Variants in NRG3 observed in about 807,000 individuals in gnomAD.
The protein encoded by NRG3 is pro-neuregulin-3, membrane-bound isoform.
Under a neutral mutation model 66.9 loss-of-function variants are expected in NRG3, and 31 were observed. The ratio of observed to expected loss-of-function variants is 0.46; its 90% confidence interval spans 0.35 to 0.63. The LOEUF is 0.63. NRG3 is among the 20% of genes least tolerant of loss of function. The pLI is 0.00. For missense variants in NRG3, 910 were observed against 878.9 expected (o/e 1.04, Z -0.45); for synonymous variants, 393 against 359.4 (o/e 1.09, Z -1.06).
At chr10:82,279,360 A>C (rs539319343) in intron 1 of NRG3, among the ~76,000 whole-genome samples, 1 of 152,294 alleles carries the variant, frequency 6.6e-6, no homozygotes. Context: ...ACTTGTTTGC[A>C]ATCCTTTTTT....
At chr10:82,039,757 C>A (rs983289674) in intron 1 of NRG3, among the ~76,000 whole-genome samples, 5 of 152,028 alleles carry the variant, frequency 3.3e-5, no homozygotes, top group African/African-American at 1.2e-4. Context: ...TTTAGGAAGA[C>A]TGGAAAATAA....
intron 2 of NRG3, among the ~76,000 whole-genome samples, chr10:82,552,725 G>A (rs1306944338): frequency 6.6e-6 from 1 of 152,030 alleles, no homozygotes; most frequent in African/African-American, 2.4e-5. Context: ...TTTAGTTTTT[G>A]TCTCCTATAG....
At chr10:81,921,670 T>C (rs1846267310) in intron 1 of NRG3, among the ~76,000 whole-genome samples, 1 of 152,100 alleles carries the variant, frequency 6.6e-6, no homozygotes, top group Non-Finnish European at 1.5e-5. Flanking sequence ...CTTGTACATA[T>C]TTAGTCTGTT....
chr10:82,526,174 A>G (rs79810393), intron 2 of NRG3, among the ~76,000 whole-genome samples: 1,676 of 152,012 alleles, frequency 0.011, 18 homozygotes, highest in Middle Eastern at 0.068. Context: ...ATTTGCTATA[A>G]TCACTAAAGG....
At chr10:82,114,556 G>A (rs561697631) in intron 1 of NRG3, among the ~76,000 whole-genome samples, 25 of 152,030 alleles carry the variant, frequency 1.6e-4, no homozygotes, top group African/African-American at 4.8e-4. Flanking sequence ...CAAGCATGTC[G>A]TCAAAAGTGT....
At chr10:82,819,200 T>G (rs1419015317) in intron 3 of NRG3, among the ~76,000 whole-genome samples, 1 of 152,238 alleles carries the variant, frequency 6.6e-6, no homozygotes, top group Non-Finnish European at 1.5e-5. Flanking sequence ...GGTTAGCTAT[T>G]GTTCTCTCTC....
At chr10:82,375,589 G>C (rs1400762897) in intron 2 of NRG3, among the ~76,000 whole-genome samples, 3 of 151,972 alleles carry the variant, frequency 2.0e-5, no homozygotes, top group Non-Finnish European at 4.4e-5. Context: ...GCTGTAATGT[G>C]TAAACATGAC....
At chr10:82,187,521 T>C (rs530186142) in intron 1 of NRG3, among the ~76,000 whole-genome samples, 1 of 152,324 alleles carries the variant, frequency 6.6e-6, no homozygotes, top group Admixed American at 6.5e-5. Flanking sequence ...ATTTGTTCTT[T>C]GAGGGAGTAT....
At position 82,454,772 on chromosome 10, in the gene NRG3, G is replaced by C. The variant is rs1022094969; in HGVS notation, c.953+95904G>C. On this transcript the variant is annotated intron_variant, in intron 2 of 8. Coordinates refer to ENST00000372141, the MANE Select transcript of NRG3 (RefSeq NM_001010848.4). ...AAAAGCTATTCAAAGCAAACAAAAA[G>C]TTAACAATGAAATCAACTATAGAGG... Among the ~76,000 whole-genome samples, 4 of 152,114 alleles carry C rather than the reference G, an allele frequency of 2.6e-5. No individual in the cohort carries two copies. In the East Asian group the frequency reaches 7.7e-4, roughly 29 times the overall value.
At chr10:82,721,205 C>T (rs1172643968) in intron 2 of NRG3, among the ~76,000 whole-genome samples, 2 of 136,572 alleles carry the variant, frequency 1.5e-5, no homozygotes, top group African/African-American at 2.7e-5. Flanking sequence ...GATCTCCGCT[C>T]ACTGCAAGCT....
intron 4 of NRG3, among the ~76,000 whole-genome samples, chr10:82,882,337 T>G (rs904184583): frequency 6.6e-6 from 1 of 152,164 alleles, no homozygotes; most frequent in Non-Finnish European, 1.5e-5. Flanking sequence ...ATTGTCTAAA[T>G]CAAATCCAGG....
chr10:82,818,272 T>C (rs2061799594), intron 3 of NRG3, among the ~76,000 whole-genome samples: 1 of 152,092 alleles, frequency 6.6e-6, no homozygotes, highest in Non-Finnish European at 1.5e-5. Context: ...TGAGGACAAC[T>C]AGAGGTTGTT....
At chr10:82,623,669 C>T (rs566258166) in intron 2 of NRG3, among the ~76,000 whole-genome samples, 1 of 152,206 alleles carries the variant, frequency 6.6e-6, no homozygotes, top group South Asian at 2.1e-4. Context: ...GTAGAGGAGA[C>T]AGAAATGTGC....
chr10:82,416,617 G>A (rs1715550800), intron 2 of NRG3, among the ~76,000 whole-genome samples: 1 of 152,114 alleles, frequency 6.6e-6, no homozygotes, highest in African/African-American at 2.4e-5. Context: ...GTCATTGGTA[G>A]ACACATAGAG....
intron 4 of NRG3, among the ~76,000 whole-genome samples, chr10:82,926,130 C>T (rs1284637016): frequency 2.6e-5 from 4 of 152,158 alleles, no homozygotes; most frequent in African/African-American, 4.8e-5. Context: ...AAAGAAAACT[C>T]CACCAAGTTC....
chr10:82,263,157 G>C (rs996369648), intron 1 of NRG3, among the ~76,000 whole-genome samples: 4 of 152,194 alleles, frequency 2.6e-5, no homozygotes, highest in Admixed American at 1.3e-4. Context: ...CAATTTAGAA[G>C]CTTTTGCAGT....
intron 1 of NRG3, among the ~76,000 whole-genome samples, chr10:82,337,064 T>A (rs773531381): frequency 7.2e-5 from 11 of 152,226 alleles, no homozygotes; most frequent in Non-Finnish European, 1.5e-4. Flanking sequence ...TGCAGAATCT[T>A]AACTACTGAG....
At chr10:82,948,302 A>G (rs1174745193) in intron 4 of NRG3, among the ~76,000 whole-genome samples, 5 of 152,242 alleles carry the variant, frequency 3.3e-5, no homozygotes, top group Non-Finnish European at 5.9e-5. Flanking sequence ...CCAATACCAT[A>G]TGCCTTGATT....
chr10:82,838,351 G>A (rs1350177277), intron 3 of NRG3, among the ~76,000 whole-genome samples: 2 of 152,126 alleles, frequency 1.3e-5, no homozygotes, highest in Non-Finnish European at 2.9e-5. Context: ...CCTCTGCAGA[G>A]ACGAAAAGAA....
Sources: allele counts gnomAD v4.1 joint callset (sites outside exome capture counted in the v4.1 genomes callset), GRCh38; gene constraint gnomAD v4.1.1; transcripts MANE v1.5; gene names NCBI Gene and HGNC (gene_info 2026-07-23, HGNC 2026-07-21).